The following DIPK1A variants were observed in gnomAD, a reference collection of about 807,000 sequenced individuals.
The protein encoded by DIPK1A is divergent protein kinase domain 1A, also known as family with sequence similarity 69 member A.
A neutral mutation model predicts 40.8 loss-of-function variants in DIPK1A; 27 were observed. That is an observed-to-expected ratio of 0.66 (90% confidence interval 0.49 to 0.91). The LOEUF is 0.91. Among genes scored for constraint, DIPK1A ranks in the 40% least tolerant of loss-of-function variants. The pLI, the probability that DIPK1A is intolerant of heterozygous loss-of-function variation, is 0.00. For missense variants in DIPK1A, 412 were observed against 505.7 expected, an observed-to-expected ratio of 0.81 and a Z score of 1.78; for synonymous variants, 166 against 171.3, an observed-to-expected ratio of 0.97 and a Z score of 0.24.
At chr1:92,850,386 A>G (rs1380825354) in intron 3 of DIPK1A, among the ~76,000 whole-genome samples, 1 of 152,228 alleles carries the variant, frequency 6.6e-6, no homozygotes, top group Admixed American at 6.5e-5. Context: ...AGATTAATAA[A>G]TATCTTTTGA....
At chr1:92,848,967 A>G (rs567781655) in intron 3 of DIPK1A, among the ~76,000 whole-genome samples, 255 of 152,278 alleles carry the variant, frequency 1.7e-3, no homozygotes, top group Non-Finnish European at 3.1e-3. Flanking sequence ...TTCTACCCCA[A>G]TTAGATATTC....
At chr1:92,888,225 C>CT (rs1206251416) in intron 1 of DIPK1A, among the ~76,000 whole-genome samples, 5 of 152,068 alleles carry the variant, frequency 3.3e-5, no homozygotes, top group Non-Finnish European at 7.4e-5. Context: ...AACCGCTCTT[C>CT]TACTCTCTAC....
intron 1 of DIPK1A, among the ~76,000 whole-genome samples, chr1:92,936,161 G>A (rs1290885783): frequency 2.0e-5 from 3 of 152,168 alleles, no homozygotes; most frequent in African/African-American, 7.2e-5. Context: ...CTATAAAAAA[G>A]CTGTAGATTT....
chr1:92,948,133 T>C (rs1346313321), intron 1 of DIPK1A, among the ~76,000 whole-genome samples: 1 of 152,204 alleles, frequency 6.6e-6, no homozygotes, highest in East Asian at 1.9e-4. Flanking sequence ...TATACTTACA[T>C]GGAGACTTGG....
At chr1:92,958,446 T>C (rs888459560) in intron 1 of DIPK1A, among the ~76,000 whole-genome samples, 6 of 152,200 alleles carry the variant, frequency 3.9e-5, no homozygotes, top group Admixed American at 6.5e-5. Flanking sequence ...ACTGCAAGTA[T>C]ACAAAGCTGG....
At chr1:92,864,077 C>T (rs543791498) in intron 2 of DIPK1A, among the ~76,000 whole-genome samples, 23 of 151,870 alleles carry the variant, frequency 1.5e-4, no homozygotes, top group Non-Finnish European at 2.9e-4. Flanking sequence ...AAAACAAAAA[C>T]AAAAAAACAA....
At chr1:92,855,382 C>T (rs933169909) in intron 2 of DIPK1A, among the ~76,000 whole-genome samples, 2 of 151,710 alleles carry the variant, frequency 1.3e-5, no homozygotes, top group Admixed American at 6.6e-5. Context: ...AAAAACCAAC[C>T]AACCAACCAA....
At chr1:92,847,436 G>A in intron 3 of DIPK1A, 77 bp from the exon 4 acceptor site, 2 of 921,644 alleles carry the variant, frequency 2.2e-6, no homozygotes, top group Middle Eastern at 7.3e-4. Context: ...TATTTTTAGG[G>A]TCCTCCTCCT....
In DIPK1A at chr1:92,900,619, T is replaced by C. The variant is rs148051109; in HGVS notation, c.55-24189A>G. On this transcript the variant is annotated intron_variant, in intron 1 of 4. Transcript: ENST00000370310. The stretch of plus-strand genomic sequence containing the variant: ...TAGAAATTCACTGATTTCCTTTTCA[T>C]TGGGGTCTGTCACTAGAGAGTTATG... 3.2e-3 allele frequency among the ~76,000 whole-genome samples: 490 copies of C among 152,076 alleles called. 4 individuals carry two copies. Among genetic ancestry groups the C allele is most frequent in the African/African-American group, 0.011 (466 of 41,374 alleles).
intron 1 of DIPK1A, 27 bp downstream of exon 1, chr1:92,961,349 C>A: frequency 1.3e-6 from 2 of 1,490,304 alleles, no homozygotes; most frequent in Non-Finnish European, 1.8e-6. Context: ...GCTCCCGCAG[C>A]TGGTGGCTGG....
At chr1:92,837,332 C>T (rs758889971), downstream of DIPK1A, 1 of 848,854 alleles carries the variant, frequency 1.2e-6, no homozygotes, top group South Asian at 1.3e-5. Context: ...AGTAGTTGGT[C>T]CTTTGGTTGC....
intron 1 of DIPK1A, among the ~76,000 whole-genome samples, chr1:92,936,558 C>T (rs772192144): frequency 3.4e-5 from 5 of 148,074 alleles, no homozygotes; most frequent in East Asian, 2.0e-4. Flanking sequence ...GAACCCGGGA[C>T]GCTGAGGTTG....
intron 1 of DIPK1A, among the ~76,000 whole-genome samples, chr1:92,959,922 TTTTTTGTA>T (rs1652003287): frequency 7.9e-6 from 1 of 126,662 alleles, no homozygotes. Context: ...TTTTTTTTTT[TTTTTTGTA>T]TTTTTAGTAG....
At chr1:92,929,465 C>T (rs1650659351) in intron 1 of DIPK1A, among the ~76,000 whole-genome samples, 1 of 152,196 alleles carries the variant, frequency 6.6e-6, no homozygotes, top group Admixed American at 6.5e-5. Context: ...ACTAATCTTT[C>T]TGCATCTCCT....
intron 1 of DIPK1A, among the ~76,000 whole-genome samples, chr1:92,913,873 A>G (rs1440159752): frequency 6.6e-6 from 1 of 152,192 alleles, no homozygotes; most frequent in Non-Finnish European, 1.5e-5. Flanking sequence ...TTCTGGAAAA[A>G]GGTAAGCTAA....
intron 1 of DIPK1A, among the ~76,000 whole-genome samples, chr1:92,884,887 T>C (rs747067094): frequency 3.3e-5 from 5 of 152,232 alleles, no homozygotes; most frequent in Non-Finnish European, 7.3e-5. Context: ...GCTTAGACTC[T>C]TGGAGTATCC....
At chr1:92,893,671 A>G (rs1445585978) in intron 1 of DIPK1A, among the ~76,000 whole-genome samples, 1 of 151,184 alleles carries the variant, frequency 6.6e-6, no homozygotes, top group Non-Finnish European at 1.5e-5. Context: ...TTAAATGTAA[A>G]TGGGCTAAAT....
rs780939989 is a variant in DIPK1A, at chr1:92,844,142, C to T, written c.528G>A (p.Thr176=). Residue 176 remains threonine (T), a synonymous_variant, in exon 5 of 5, where the codon ACG becomes ACA. Transcript: ENST00000370310. ...NLSELVNLIL[T]VADGDKDGQV... Reference sequence around the variant, plus strand: ...GGCCATCTTTGTCTCCATCAGCCACCGTCAAGATGAGATTAACCAGTTCAG... The same window carrying T: ...GGCCATCTTTGTCTCCATCAGCCACTGTCAAGATGAGATTAACCAGTTCAG... 2.6e-6 allele frequency: 4 copies of T among 1,551,702 alleles called. No homozygotes were observed. The highest frequency in any genetic ancestry group is 2.4e-5 in the East Asian group (1 of 40,920).
intron 1 of DIPK1A, among the ~76,000 whole-genome samples, chr1:92,955,931 G>A (rs1475812980): frequency 6.6e-6 from 1 of 151,912 alleles, no homozygotes; most frequent in African/African-American, 2.4e-5. Flanking sequence ...AGCTACTCAG[G>A]AGGCTGAAGC....
Sources: allele counts gnomAD v4.1 joint callset (sites outside exome capture counted in the v4.1 genomes callset), GRCh38; gene constraint gnomAD v4.1.1; transcripts MANE v1.5; gene names NCBI Gene and HGNC (gene_info 2026-07-23, HGNC 2026-07-21).